The following CEP112 variants were observed in gnomAD, a reference collection of about 807,000 sequenced individuals.
The protein encoded by CEP112 is centrosomal protein 112.
A neutral mutation model predicts 153.0 loss-of-function variants in CEP112; 127 were observed. The observed-to-expected ratio is 0.83, with a 90% CI of 0.72 to 0.96. The LOEUF is 0.96. Among genes scored for constraint, CEP112 ranks in the 40% least tolerant of loss-of-function variants. The pLI is 0.00. For synonymous variants in CEP112, 358 were observed against 374.4 expected, an observed-to-expected ratio of 0.96 and a Z score of 0.51; for missense variants, 1,089 against 1,101.2, an observed-to-expected ratio of 0.99 and a Z score of 0.16.
chr17:66,104,692 C>T (rs1199690578), intron 6 of CEP112, among the ~76,000 whole-genome samples: 2 of 152,072 alleles, frequency 1.3e-5, no homozygotes, highest in Non-Finnish European at 2.9e-5. Flanking sequence ...TCACCAATTC[C>T]AGGCCTTGGG....
chr17:65,676,708 G>A (rs548892497), intron 24 of CEP112, among the ~76,000 whole-genome samples: 35 of 152,158 alleles, frequency 2.3e-4, no homozygotes, highest in Non-Finnish European at 4.0e-4. Flanking sequence ...AAGAGTTCAC[G>A]CTGAGCTTCA....
chr17:66,062,060 A>C (rs1412284229), intron 11 of CEP112, among the ~76,000 whole-genome samples: 2 of 152,074 alleles, frequency 1.3e-5, no homozygotes, highest in Admixed American at 6.6e-5. Flanking sequence ...CCGCCTTGTG[A>C]AGAAGGTGGC....
chr17:65,968,726 T>G (rs548333378), intron 17 of CEP112, among the ~76,000 whole-genome samples: 7 of 152,198 alleles, frequency 4.6e-5, no homozygotes, highest in Non-Finnish European at 8.8e-5. Context: ...AAACTTAGAA[T>G]AGTTAAGTGA....
rs532445919 is a variant in CEP112, at chr17:65,830,167, G to C, written c.2394+21637C>G. On this transcript the variant is annotated intron_variant, in intron 21 of 26. Transcript: ENST00000535342. ...GTGGCATCAGCAAGATGGTGGAATAGATTGTCTGGCATCACTCCTGCCAAA... is the reference window on the plus strand; with the variant it reads ...GTGGCATCAGCAAGATGGTGGAATACATTGTCTGGCATCACTCCTGCCAAA... 6.1e-4 allele frequency among the ~76,000 whole-genome samples: 93 copies of C among 152,316 alleles called. 1 individual carries two copies. The highest frequency in any genetic ancestry group is 2.2e-3 in the African/African-American group (91 of 41,564).
chr17:66,139,415 G>A (rs2070585479), intron 4 of CEP112, among the ~76,000 whole-genome samples: 1 of 152,066 alleles, frequency 6.6e-6, no homozygotes, highest in South Asian at 2.1e-4. Context: ...ACCAGCCTCA[G>A]CAACATAGTG....
intron 8 of CEP112, among the ~76,000 whole-genome samples, chr17:66,079,969 A>ACTCCTTCCT: frequency 6.6e-6 from 1 of 152,276 alleles, no homozygotes; most frequent in South Asian, 2.1e-4. Flanking sequence ...TAGAAAAATG[A>ACTCCTTCCT]AACTGGACTC....
intron 21 of CEP112, among the ~76,000 whole-genome samples, chr17:65,811,679 T>C (rs1204840589): frequency 6.6e-6 from 1 of 152,232 alleles, no homozygotes; most frequent in Non-Finnish European, 1.5e-5. Flanking sequence ...TTTTATCACA[T>C]ACAAGTTATA....
At chr17:65,909,324 T>G (rs886176198) in intron 19 of CEP112, among the ~76,000 whole-genome samples, 1 of 152,222 alleles carries the variant, frequency 6.6e-6, no homozygotes, top group Non-Finnish European at 1.5e-5. Flanking sequence ...AGAGTGGTTC[T>G]CCATATTCTC....
At chr17:65,746,311 A>C (rs1234308809) in intron 22 of CEP112, among the ~76,000 whole-genome samples, 1 of 152,030 alleles carries the variant, frequency 6.6e-6, no homozygotes. Context: ...GGGAATAAGG[A>C]GAGATTCCTC....
chr17:65,934,139 A>T (rs934582514), intron 18 of CEP112, among the ~76,000 whole-genome samples: 1 of 152,202 alleles, frequency 6.6e-6, no homozygotes, highest in Admixed American at 6.5e-5. Context: ...CAATGAGCTG[A>T]GATTACACCA....
Position 65,635,983 on chromosome 17 carries a change from CA to C in CEP112, c.2865-10del. 2 of 1,598,770 alleles carry C rather than the reference CA, an allele frequency of 1.3e-6. No homozygotes were observed. The highest frequency in any genetic ancestry group is 1.7e-6 in the Non-Finnish European group (2 of 1,171,018). ...TTCTCTCGTGCAGTTACCTGTAAAC[CA>C]AAAATCGCAGTCACGACTTTCTCTA... is the stretch of plus-strand genomic sequence containing the variant. On this transcript the variant is annotated splice_polypyrimidine_tract_variant and intron_variant, in intron 26 of 26. Coordinates refer to ENST00000535342, the MANE Select transcript of CEP112 (RefSeq NM_001199165.4).
intron 4 of CEP112, among the ~76,000 whole-genome samples, chr17:66,164,910 GTGTGTGTGTGTA>G (rs1028531128): frequency 6.3e-5 from 9 of 142,060 alleles, no homozygotes; most frequent in Admixed American, 2.1e-4. Context: ...GTGTGTGTGT[GTGTGTGTGTGTA>G]TATTTATTTA....
intron 11 of CEP112, among the ~76,000 whole-genome samples, chr17:66,058,450 C>T (rs1020425932): frequency 1.3e-5 from 2 of 151,900 alleles, no homozygotes; most frequent in Non-Finnish European, 2.9e-5. Context: ...ATAGATTCAA[C>T]ACTATCCTAT....
intron 19 of CEP112, among the ~76,000 whole-genome samples, chr17:65,924,393 T>C (rs2060846440): frequency 6.6e-6 from 1 of 152,202 alleles, no homozygotes; most frequent in African/African-American, 2.4e-5. Flanking sequence ...TTCTATAGGA[T>C]AGGTTCTAAG....
intron 17 of CEP112, among the ~76,000 whole-genome samples, chr17:65,995,625 A>G (rs2063756604): frequency 6.6e-6 from 1 of 152,196 alleles, no homozygotes; most frequent in Admixed American, 6.5e-5. Flanking sequence ...TTTAGTAGGC[A>G]ATACAAGAAA....
intron 20 of CEP112, among the ~76,000 whole-genome samples, chr17:65,879,746 A>G (rs2058988021): frequency 6.6e-6 from 1 of 151,958 alleles, no homozygotes; most frequent in African/African-American, 2.4e-5. Flanking sequence ...GAAATAGGAA[A>G]AGTACAAACA....
intron 16 of CEP112, among the ~76,000 whole-genome samples, chr17:66,015,067 T>C (rs1267485507): frequency 6.6e-6 from 1 of 152,236 alleles, no homozygotes; most frequent in Non-Finnish European, 1.5e-5. Flanking sequence ...ATTACACTAA[T>C]GATGCCATAA....
chr17:66,129,996 G>C (rs1344631130), intron 5 of CEP112, among the ~76,000 whole-genome samples, 173 bp from the exon 6 acceptor site: 1 of 151,540 alleles, frequency 6.6e-6, no homozygotes, highest in East Asian at 1.9e-4. Context: ...AGGGAAAGAG[G>C]GGGAAGGGAG....
rs979918167 is a variant in CEP112, at chr17:65,961,335, C to A, written c.1872+128G>T. ...CTCTTTCTCATTCTGAATCTCTGAC[C>A]CGATTGTATGGCTAATTTTGATACA... On this transcript the variant is annotated intron_variant, in intron 18 of 26. Coordinates refer to ENST00000535342, the MANE Select transcript of CEP112 (RefSeq NM_001199165.4). 4.6e-6 allele frequency: 4 copies of A among 860,498 alleles called. No homozygotes were observed. In the Admixed American group the frequency reaches 1.0e-4, roughly 22 times the overall value. The allele number at this position is 860,498 out of a possible 1,614,324, so 53.3% of individuals were successfully genotyped here. A position where few individuals can be genotyped will look rare whatever the true frequency, so the allele number is the denominator to read the frequency against.
Sources: gnomAD v4.1 joint callset for allele counts (sites outside exome capture counted in the v4.1 genomes callset) on GRCh38, gnomAD v4.1.1 for gene constraint, MANE v1.5 for transcripts, NCBI Gene and HGNC (gene_info 2026-07-23, HGNC 2026-07-21) for gene names.